Variants in CGGBP1 observed in about 807,000 individuals in gnomAD.
The protein encoded by CGGBP1 is CGG triplet repeat-binding protein 1.
CGGBP1 carries 4 observed loss-of-function variants against 11.4 expected under a neutral mutation model. That is an observed-to-expected ratio of 0.35 (90% CI 0.17 to 0.80). The LOEUF (loss-of-function observed/expected upper bound fraction) is 0.80, where lower values mean the gene tolerates loss of function less well. CGGBP1 is among the 30% of genes least tolerant of loss of function. The pLI, the probability that CGGBP1 is intolerant of heterozygous loss-of-function variation, is 0.52. For missense variants in CGGBP1, 135 were observed against 202.1 expected (o/e 0.67, Z 2.01); for synonymous variants, 76 against 74.1 (o/e 1.03, Z -0.13).
chr3:88,098,689 A>G (rs1283084182), intron 2 of CGGBP1, among the ~76,000 whole-genome samples: 2 of 152,218 alleles, frequency 1.3e-5, no homozygotes, highest in Non-Finnish European at 2.9e-5. Context: ...ACGAAAATCA[A>G]TAAACGTAAT....
At position 88,054,696 on chromosome 3, in the gene CGGBP1, TA is replaced by T. The variant is rs1356805838; in HGVS notation, c.*776del. ...CTTGAAATCTTTTAACACCAAGACA[TA>T]GAAAAAAGTTTAGAAATTCAAGATG... On this transcript the variant is annotated 3_prime_UTR_variant, in exon 4 of 4. Coordinates refer to ENST00000482016, the MANE Select transcript of CGGBP1 (RefSeq NM_001008390.2). The T allele has an allele frequency of 2.6e-5, 4 of 152,546 alleles. No homozygotes were observed. Among genetic ancestry groups the T allele is most frequent in the Non-Finnish European group, 5.9e-5 (4 of 67,994 alleles). The allele number at this position is 152,546 out of a possible 1,614,324, so 9.4% of individuals were successfully genotyped here.
intron 2 of CGGBP1, among the ~76,000 whole-genome samples, chr3:88,088,747 T>C (rs1708469532): frequency 1.3e-5 from 1 of 79,560 alleles, no homozygotes; most frequent in South Asian, 3.9e-4. Context: ...CCTTTATTTA[T>C]GTATGTATGT....
intron 2 of CGGBP1, chr3:88,128,761 G>C: frequency 7.5e-7 from 1 of 1,327,946 alleles, no homozygotes; most frequent in South Asian, 1.4e-5. Context: ...CAAAGTTTGA[G>C]AGAATCTTTT....
chr3:88,147,652 T>A (rs1440156769), intron 1 of CGGBP1, among the ~76,000 whole-genome samples: 1 of 152,208 alleles, frequency 6.6e-6, no homozygotes, highest in Non-Finnish European at 1.5e-5. Context: ...CACTAAACAG[T>A]ACAAGAAGCT....
At chr3:88,129,192 CA>C in intron 2 of CGGBP1, 1 of 522,824 alleles carries the variant, frequency 1.9e-6, no homozygotes, top group Non-Finnish European at 3.3e-6. Flanking sequence ...TTGAATTAGT[CA>C]AAATCTGATA....
upstream of CGGBP1, chr3:88,059,310 C>A (rs530597561): frequency 6.5e-7 from 1 of 1,532,852 alleles, no homozygotes; most frequent in Non-Finnish European, 8.7e-7. Flanking sequence ...CGCTGGGCGG[C>A]GAGAGCCTCA....
chr3:88,088,199 A>T (rs1039565511), intron 2 of CGGBP1, among the ~76,000 whole-genome samples: 3 of 152,214 alleles, frequency 2.0e-5, no homozygotes, highest in Non-Finnish European at 4.4e-5. Context: ...TACGCTAAAG[A>T]AAAATTCATC....
At chr3:88,145,671 A>T (rs1366697411) in intron 1 of CGGBP1, among the ~76,000 whole-genome samples, 11 of 152,198 alleles carry the variant, frequency 7.2e-5, no homozygotes. Flanking sequence ...ACAGGGACAG[A>T]TGTTTTAACT....
chr3:88,061,308 C>T (rs1706868887), upstream of CGGBP1, among the ~76,000 whole-genome samples: 1 of 152,172 alleles, frequency 6.6e-6, no homozygotes, highest in Admixed American at 6.5e-5. Context: ...CTGCAAAACA[C>T]AGTGTCTTAA....
intron 2 of CGGBP1, among the ~76,000 whole-genome samples, chr3:88,082,465 A>C (rs947340740): frequency 1.3e-5 from 2 of 152,216 alleles, no homozygotes; most frequent in Admixed American, 6.5e-5. Context: ...CGCTGTAAAC[A>C]AATGATGAAC....
rs548111771 is a variant in CGGBP1, at chr3:88,053,774, G to A, written c.*1699C>T. The A allele has an allele frequency of 2.6e-5, 4 of 152,550 alleles. No individual in the cohort carries two copies. Among genetic ancestry groups the A allele is most frequent in the Admixed American group, 6.5e-5 (1 of 15,284 alleles). 9.4% of individuals were successfully genotyped at this position (152,550 alleles called of 1,614,324 possible). A position where few individuals can be genotyped will look rare whatever the true frequency, so the allele number is the denominator to read the frequency against. The stretch of plus-strand genomic sequence containing the variant: ...AAATTCTTTTCTAGAGGAAGTAAAC[G>A]CAAAACACATATGGTTATGTTTTGC... On this transcript the variant is annotated 3_prime_UTR_variant, in exon 4 of 4. Transcript: ENST00000482016.
chr3:88,107,607 T>C (rs1212513207), intron 2 of CGGBP1, among the ~76,000 whole-genome samples: 1 of 152,160 alleles, frequency 6.6e-6, no homozygotes, highest in East Asian at 1.9e-4. Context: ...TTTAGAACTA[T>C]GATTAAACAT....
chr3:88,059,066 T>C (rs113975874), upstream of CGGBP1: 147 of 666,164 alleles, frequency 2.2e-4, no homozygotes, highest in African/African-American at 1.5e-3. Context: ...AGACGGCCGG[T>C]TTATCAAACA....
upstream of CGGBP1, chr3:88,059,324 CGGAGGAAGAGAGCGACCAAGA>C (rs1256594751): frequency 6.5e-7 from 1 of 1,533,848 alleles, no homozygotes; most frequent in Non-Finnish European, 8.7e-7. Context: ...AGCCTCATGG[CGGAGGAAGAGAGCGACCAAGA>C]GGCCGAACGC....
intron 2 of CGGBP1, among the ~76,000 whole-genome samples, chr3:88,126,579 CTTTTT>C (rs144091813): frequency 3.7e-5 from 3 of 81,774 alleles, no homozygotes; most frequent in East Asian, 4.0e-4. Flanking sequence ...GTAGAAACAT[CTTTTT>C]TTTTTTTTTT....
At position 88,055,959 on chromosome 3, in the gene CGGBP1, T is replaced by TA; in HGVS notation, c.17dup (p.Thr7AsnfsTer10). 1 of 1,611,762 alleles carries TA rather than the reference T, an allele frequency of 6.2e-7. No individual in the cohort carries two copies. The highest frequency in any genetic ancestry group is 8.5e-7 in the Non-Finnish European group (1 of 1,178,468). The stretch of plus-strand genomic sequence containing the variant: ...AACGGTTTCGAGCAGGTGGTGCTGT[T>TA]ACTACAAATCGCTCCATTCTGACTC... On this transcript the variant is annotated frameshift_variant, in exon 4 of 4. Transcript: ENST00000482016. LOFTEE classifies it high-confidence loss of function. The surrounding 1 kb of genome is among the most constrained non-coding windows in gnomAD (Gnocchi z 4.2).
At chr3:88,087,762 G>T (rs1208811570) in intron 2 of CGGBP1, among the ~76,000 whole-genome samples, 1 of 152,182 alleles carries the variant, frequency 6.6e-6, no homozygotes, top group Non-Finnish European at 1.5e-5. Flanking sequence ...TTATTTAGGG[G>T]AGAATGCAGA....
chr3:88,090,794 T>C (rs114136841), intron 2 of CGGBP1, among the ~76,000 whole-genome samples: 37 of 152,234 alleles, frequency 2.4e-4, no homozygotes, highest in Non-Finnish European at 4.7e-4. Flanking sequence ...CCTGGCCACA[T>C]TGGAAGAATA....
At chr3:88,075,108 C>G (rs1196166534) in intron 2 of CGGBP1, among the ~76,000 whole-genome samples, 2 of 152,086 alleles carry the variant, frequency 1.3e-5, no homozygotes, top group Admixed American at 6.5e-5. Flanking sequence ...TTGATGTTTC[C>G]TACTTTATAT....
Sources: allele counts gnomAD v4.1 joint callset (sites outside exome capture counted in the v4.1 genomes callset), GRCh38; gene constraint gnomAD v4.1.1; non-coding constraint Gnocchi (gnomAD v3.1); transcripts MANE v1.5; gene names NCBI Gene and HGNC (gene_info 2026-07-23, HGNC 2026-07-21).